Variants in MID1 observed in about 807,000 individuals in gnomAD.
The protein encoded by MID1 is midline 1, also known as E3 ubiquitin-protein ligase Midline-1.
MID1 carries 7 observed loss-of-function variants against 40.4 expected under a neutral mutation model. The observed-to-expected ratio is 0.17, with a 90% CI of 0.10 to 0.33. The LOEUF (loss-of-function observed/expected upper bound fraction) is 0.33, where lower values mean the gene tolerates loss of function less well. MID1 is among the 10% of genes least tolerant of loss of function. MID1 has a pLI of 1.00. For missense variants in MID1, 367 were observed against 558.5 expected (o/e 0.66, Z 3.46); for synonymous variants, 229 against 221.2 (o/e 1.04, Z -0.31).
chrX:10,461,483 T>C (rs1396947711), intron 7 of MID1, among the ~76,000 whole-genome samples: 2 of 111,491 alleles, frequency 1.8e-5, no homozygotes. Flanking sequence ...CCTTACTATA[T>C]ATCCCTTCTG....
chrX:10,647,805 G>A (rs1340252671), intron 1 of MID1, among the ~76,000 whole-genome samples: 2 of 111,602 alleles, frequency 1.8e-5, no homozygotes, highest in African/African-American at 3.3e-5. Flanking sequence ...CATCATATAC[G>A]TAGGTAAAAG....
intron 2 of MID1, among the ~76,000 whole-genome samples, chrX:10,562,553 G>A (rs1032242919): frequency 9.6e-6 from 1 of 104,502 alleles, no homozygotes; most frequent in Non-Finnish European, 1.9e-5. Context: ...GAGACCATAT[G>A]CAATTGTCTT....
intron 1 of MID1, among the ~76,000 whole-genome samples, chrX:10,715,804 C>T (rs1003465241): frequency 4.5e-5 from 5 of 111,847 alleles, no homozygotes; most frequent in African/African-American, 1.3e-4. Context: ...CCAGTAGGGG[C>T]AGACTGACAC....
intron 1 of MID1, among the ~76,000 whole-genome samples, chrX:10,638,915 C>A (rs1433836558): frequency 8.9e-6 from 1 of 112,268 alleles, no homozygotes; most frequent in Non-Finnish European, 1.9e-5. Context: ...GGACCTCCAG[C>A]AAACTCCAGC....
intron 3 of MID1, among the ~76,000 whole-genome samples, chrX:10,516,607 TGTGC>T (rs1410414445): frequency 5.3e-3 from 282 of 53,483 alleles, no homozygotes; most frequent in African/African-American, 0.021. Flanking sequence ...TGTGTGTGTG[TGTGC>T]GCGCGCGCAC....
At chrX:10,714,798 C>T (rs1156530828) in intron 1 of MID1, among the ~76,000 whole-genome samples, 2 of 111,311 alleles carry the variant, frequency 1.8e-5, no homozygotes, top group African/African-American at 6.5e-5. Context: ...AAAATGTTAA[C>T]ATAAGGGAAC....
At chrX:10,700,849 G>C (rs1447824440) in intron 1 of MID1, among the ~76,000 whole-genome samples, 1 of 111,876 alleles carries the variant, frequency 8.9e-6, no homozygotes, top group African/African-American at 3.2e-5. Flanking sequence ...GACATCGTGG[G>C]AAAAATGAAT....
At position 10,640,108 on chromosome X, in the gene MID1, T is replaced by C. The variant is rs1478929404; in HGVS notation, c.-186-19689A>G. Among the ~76,000 whole-genome samples the C allele has an allele frequency of 1.1e-4, 12 of 111,643 alleles. No individual in the cohort carries two copies. In the Admixed American group the frequency reaches 1.1e-3, roughly 11 times the overall value. On this transcript the variant is annotated intron_variant, in intron 1 of 10. Transcript: ENST00000380785. The stretch of plus-strand genomic sequence containing the variant: ...AGTGCTAGGAAGAAACTGCATCAAC[T>C]AACGAGCAAAATAACCAGCTAATAT...
At chrX:10,638,930 C>A (rs1013082135) in intron 1 of MID1, among the ~76,000 whole-genome samples, 1 of 112,402 alleles carries the variant, frequency 8.9e-6, no homozygotes, top group Non-Finnish European at 1.9e-5. Flanking sequence ...TCCAGCAGAC[C>A]TGCAGCTGAG....
chrX:10,636,785 GATATAT>G (rs60188235), intron 1 of MID1, among the ~76,000 whole-genome samples: 7,611 of 42,639 alleles, frequency 0.18, 998 homozygotes, highest in East Asian at 0.72. Flanking sequence ...CAACAATGGG[GATATAT>G]ATATATATAT....
chrX:10,574,481 G>A (rs1404388603), intron 1 of MID1, among the ~76,000 whole-genome samples: 1 of 111,835 alleles, frequency 8.9e-6, no homozygotes, highest in African/African-American at 3.3e-5. Context: ...AACACCATCA[G>A]GTTTGTGCTA....
intron 4 of MID1, among the ~76,000 whole-genome samples, chrX:10,484,479 G>A (rs772577120): frequency 8.9e-5 from 10 of 111,865 alleles, no homozygotes; most frequent in African/African-American, 3.2e-4. Flanking sequence ...TGACATAACA[G>A]GAAAAAGAAT....
chrX:10,807,430 G>A (rs1222474763), intron 1 of MID1, among the ~76,000 whole-genome samples: 1 of 111,590 alleles, frequency 9.0e-6, no homozygotes, highest in African/African-American at 3.3e-5. Flanking sequence ...GGTTTCATAA[G>A]GCTGAAATTA....
intron 2 of MID1, among the ~76,000 whole-genome samples, chrX:10,529,832 C>G (rs1449874972): frequency 2.7e-5 from 3 of 112,029 alleles, no homozygotes; most frequent in African/African-American, 9.7e-5. Flanking sequence ...CACCGTACAC[C>G]CTTAAATATG....
chrX:10,731,913 T>C (rs2043451010), intron 1 of MID1, among the ~76,000 whole-genome samples: 1 of 91,924 alleles, frequency 1.1e-5, no homozygotes, highest in African/African-American at 4.4e-5. Context: ...TGAGCCGAGA[T>C]AGTGCCACTG....
At chrX:10,498,091 G>A (rs1931351249) in intron 3 of MID1, among the ~76,000 whole-genome samples, 1 of 111,258 alleles carries the variant, frequency 9.0e-6, no homozygotes, top group Non-Finnish European at 1.9e-5. Flanking sequence ...TTGAGGGGGA[G>A]GGAGGAAGGG....
At chrX:10,610,628 A>G (rs955209866) in intron 1 of MID1, among the ~76,000 whole-genome samples, 4 of 111,880 alleles carry the variant, frequency 3.6e-5, no homozygotes, top group African/African-American at 9.8e-5. Context: ...CAACAAGCAG[A>G]AAAATTGCTG....
chrX:10,567,227 G>A lies in MID1; in HGVS notation c.321C>T (p.Asp107=), dbSNP rs754833237. The A allele has an allele frequency of 1.3e-5, 16 of 1,208,759 alleles. No individual in the cohort carries two copies. Among genetic ancestry groups the A allele is most frequent in the South Asian group, 5.3e-5 (3 of 56,667 alleles). The part of the protein sequence containing the change: ...PSETRRERAF[D]ANTMTSAEKV... ...TCTCGGCGGAGGTCATGGTGTTGGC[G>A]TCAAAGGCCCGCTCCCGACGGGTCT... Residue 107 remains aspartate (D), a synonymous_variant, in exon 2 of 10, where the codon GAC becomes GAT. Transcript: ENST00000317552.
In MID1 at chrX:10,719,300, A is replaced by C. The variant is rs1163347073; in HGVS notation, c.-186-98881T>G. On this transcript the variant is annotated intron_variant, in intron 1 of 10. Transcript: ENST00000380785. ...CATGATTGTGTATCTAGAAAACCCC[A>C]TCGTCTCAGCCCAAAATCTCCTTAA... is the stretch of plus-strand genomic sequence containing the variant. 1.2e-4 allele frequency among the ~76,000 whole-genome samples: 13 copies of C among 111,419 alleles called. No homozygotes were observed. The Admixed American group carries it at 1.2e-3, about 11-fold the overall frequency.
Sources: gnomAD v4.1 joint callset for allele counts (sites outside exome capture counted in the v4.1 genomes callset) on GRCh38, gnomAD v4.1.1 for gene constraint, MANE v1.5 for transcripts, NCBI Gene and HGNC (gene_info 2026-07-23, HGNC 2026-07-21) for gene names.